CNTNAP4: variants seen among roughly 807,000 people sequenced by gnomAD.
CNTNAP4 encodes the protein contactin-associated protein-like 4.
CNTNAP4 carries 98 observed loss-of-function variants against 148.4 expected under a neutral mutation model. That is an observed-to-expected ratio of 0.66 (90% CI 0.56 to 0.78). The LOEUF is 0.78. Among genes scored for constraint, CNTNAP4 ranks in the 30% least tolerant of loss-of-function variants. The pLI is 0.00. For missense variants in CNTNAP4, 1,935 were observed against 1,565.6 expected (o/e 1.24, Z -3.98); for synonymous variants, 730 against 565.1 (o/e 1.29, Z -4.14).
At chr16:76,467,313 T>G (rs1411815601) in intron 9 of CNTNAP4, 39 bp from the exon 10 acceptor site, 1 of 1,575,736 alleles carries the variant, frequency 6.3e-7, no homozygotes, top group Non-Finnish European at 8.7e-7. Context: ...GAATTCTGAT[T>G]CATTGTGATG....
intron 2 of CNTNAP4, among the ~76,000 whole-genome samples, chr16:76,343,100 ATTTTT>A (rs534886341): frequency 7.6e-6 from 1 of 132,442 alleles, no homozygotes; most frequent in African/African-American, 2.8e-5. Flanking sequence ...AGCATAACCT[ATTTTT>A]TTTTTTTTTT....
intron 3 of CNTNAP4, among the ~76,000 whole-genome samples, chr16:76,420,827 A>G (rs189392184): frequency 1.3e-5 from 2 of 152,102 alleles, no homozygotes; most frequent in Non-Finnish European, 2.9e-5. Context: ...ATATTTTATT[A>G]TATTTTTATC....
At chr16:76,537,712 T>A (rs2084271554) in intron 18 of CNTNAP4, among the ~76,000 whole-genome samples, 1 of 152,118 alleles carries the variant, frequency 6.6e-6, no homozygotes, top group Non-Finnish European at 1.5e-5. Context: ...CCTTCCTTCC[T>A]AACTATTTTG....
At chr16:76,552,064 CTTATAGGCAGAAAGCAAA>C (rs966254544) in intron 21 of CNTNAP4, among the ~76,000 whole-genome samples, 8 of 152,208 alleles carry the variant, frequency 5.3e-5, no homozygotes, top group African/African-American at 1.4e-4. Flanking sequence ...CGGAAAGCAA[CTTATAGGCAGAAAGCAAA>C]TTATAGGCAG....
intron 9 of CNTNAP4, among the ~76,000 whole-genome samples, chr16:76,462,643 A>G (rs2081020702): frequency 6.6e-6 from 1 of 152,218 alleles, no homozygotes; most frequent in Non-Finnish European, 1.5e-5. Context: ...CATCTCCCTT[A>G]GAGAACAAAA....
intron 17 of CNTNAP4, among the ~76,000 whole-genome samples, chr16:76,529,522 C>A (rs1240439487): frequency 6.6e-6 from 1 of 152,158 alleles, no homozygotes; most frequent in Non-Finnish European, 1.5e-5. Flanking sequence ...GTAAACTCAG[C>A]ATTTTCGTAG....
intron 15 of CNTNAP4, among the ~76,000 whole-genome samples, chr16:76,503,069 C>T (rs2082713452): frequency 6.6e-6 from 1 of 152,056 alleles, no homozygotes; most frequent in Admixed American, 6.6e-5. Flanking sequence ...TTGTTGATAT[C>T]AGAAATCAAC....
At chr16:76,437,627 G>T (rs899220075) in intron 4 of CNTNAP4, among the ~76,000 whole-genome samples, 2 of 151,980 alleles carry the variant, frequency 1.3e-5, no homozygotes, top group Non-Finnish European at 2.9e-5. Flanking sequence ...ACCTATGAGA[G>T]ACATAAAGAC....
At chr16:76,421,792 G>T (rs1717518367) in intron 3 of CNTNAP4, among the ~76,000 whole-genome samples, 1 of 152,140 alleles carries the variant, frequency 6.6e-6, no homozygotes, top group Admixed American at 6.6e-5. Context: ...ATGACAAGGG[G>T]ATTTTCATGT....
chr16:76,408,577 A>G (rs1289796398), intron 3 of CNTNAP4, among the ~76,000 whole-genome samples: 10 of 151,996 alleles, frequency 6.6e-5, no homozygotes, highest in Non-Finnish European at 1.3e-4. Context: ...AGCAAATTTA[A>G]AACTTCCTAG....
intron 2 of CNTNAP4, among the ~76,000 whole-genome samples, chr16:76,335,170 A>G (rs1340967878): frequency 6.6e-6 from 1 of 152,148 alleles, no homozygotes; most frequent in African/African-American, 2.4e-5. Flanking sequence ...TTTCTGCATG[A>G]CAGTTTGCTG....
intron 15 of CNTNAP4, among the ~76,000 whole-genome samples, chr16:76,514,544 A>G (rs965308141): frequency 6.6e-6 from 1 of 152,108 alleles, no homozygotes; most frequent in Non-Finnish European, 1.5e-5. Context: ...TTCACTTTCC[A>G]TTTGCCACAT....
At chr16:76,340,530 T>C (rs188984830) in intron 2 of CNTNAP4, among the ~76,000 whole-genome samples, 1 of 152,216 alleles carries the variant, frequency 6.6e-6, no homozygotes, top group African/African-American at 2.4e-5. Context: ...CAACATCTGA[T>C]TGCGCTCCCA....
chr16:76,450,345 TTG>T (rs2080415434), intron 7 of CNTNAP4, among the ~76,000 whole-genome samples: 1 of 152,154 alleles, frequency 6.6e-6, no homozygotes, highest in Non-Finnish European at 1.5e-5. Flanking sequence ...AGACAAGGTT[TTG>T]CCATGTTAGC....
chr16:76,284,482 G>C (rs1958806044), intron 1 of CNTNAP4, among the ~76,000 whole-genome samples: 1 of 151,932 alleles, frequency 6.6e-6, no homozygotes, highest in African/African-American at 2.4e-5. Context: ...GTGATTAACT[G>C]AAAACACTGA....
At chr16:76,326,555 C>A (rs1962994112) in intron 2 of CNTNAP4, among the ~76,000 whole-genome samples, 1 of 152,104 alleles carries the variant, frequency 6.6e-6, no homozygotes, top group Admixed American at 6.5e-5. Context: ...ATCCAAATGT[C>A]CAACAATGAT....
chr16:76,558,070 A>G (rs532067025), intron 23 of CNTNAP4: 1 of 153,584 alleles, frequency 6.5e-6, no homozygotes, highest in Non-Finnish European at 1.5e-5. Context: ...CAATTGAATA[A>G]CAATTTCATT....
chr16:76,313,686 A>G (rs930084056), intron 1 of CNTNAP4, among the ~76,000 whole-genome samples: 6 of 152,202 alleles, frequency 3.9e-5, no homozygotes, highest in Admixed American at 2.0e-4. Context: ...AAACGAGACA[A>G]TCTTGAAAAG....
intron 2 of CNTNAP4, among the ~76,000 whole-genome samples, chr16:76,351,543 G>A (rs1401622348): frequency 6.6e-6 from 1 of 152,174 alleles, no homozygotes; most frequent in African/African-American, 2.4e-5. Flanking sequence ...AAACCCGGTA[G>A]AGATATTTGG....
Sources: gnomAD v4.1 joint callset for allele counts (sites outside exome capture counted in the v4.1 genomes callset) on GRCh38, gnomAD v4.1.1 for gene constraint, MANE v1.5 for transcripts, NCBI Gene and HGNC (gene_info 2026-07-23, HGNC 2026-07-21) for gene names.